The following LARP1B variants were observed in gnomAD, a reference collection of about 807,000 sequenced individuals.
The protein encoded by LARP1B is la-related protein 1B.
In LARP1B, 76 loss-of-function variants were observed where a neutral mutation model predicts 114.2. The observed-to-expected ratio is 0.67, with a 90% CI of 0.55 to 0.81. The LOEUF is 0.81. LARP1B is among the 30% of genes least tolerant of loss of function. LARP1B has a pLI of 0.00. For synonymous variants in LARP1B, 345 were observed against 348.0 expected (o/e 0.99, Z 0.10); for missense variants, 1,014 against 1,075.8 (o/e 0.94, Z 0.80).
intron 11 of LARP1B, among the ~76,000 whole-genome samples, chr4:128,129,875 A>G (rs1791008855): frequency 1.3e-5 from 2 of 152,352 alleles, no homozygotes; most frequent in African/African-American, 4.8e-5. Context: ...TGGACGGACC[A>G]TCGTCCAAAA....
rs1766670796 is a variant in LARP1B at position 128,073,785 on chromosome 4, T to A, written c.-77-675T>A. 2.0e-5 allele frequency among the ~76,000 whole-genome samples: 3 copies of A among 151,440 alleles called. No homozygotes were observed. The South Asian group carries it at 6.3e-4, about 32-fold the overall frequency. The stretch of plus-strand genomic sequence containing the variant: ...TTTCTATTTTTAGTAGAGATGGGGT[T>A]TCACCATGTTGGCCAGGCTGGTCTC... On this transcript the variant is annotated intron_variant, in intron 1 of 19. Coordinates refer to ENST00000326639, the MANE Select transcript of LARP1B (RefSeq NM_018078.4).
chr4:128,099,698 T>C (rs1023579832), intron 8 of LARP1B, among the ~76,000 whole-genome samples: 2 of 151,652 alleles, frequency 1.3e-5, no homozygotes, highest in Non-Finnish European at 2.9e-5. Context: ...ATGAAGATCT[T>C]TATAGGGATA....
chr4:128,123,121 A>G, intron 11 of LARP1B: 1 of 985,446 alleles, frequency 1.0e-6, no homozygotes, highest in Non-Finnish European at 1.2e-6. Flanking sequence ...TCATATCATC[A>G]ACAAGAAGTG....
At chr4:128,096,268 C>T (rs1777971564) in intron 7 of LARP1B, among the ~76,000 whole-genome samples, 1 of 152,170 alleles carries the variant, frequency 6.6e-6, no homozygotes, top group South Asian at 2.1e-4. Context: ...GCTGGGATTA[C>T]AGGCGTGAGC....
chr4:128,145,333 C>G (rs6534667), intron 11 of LARP1B, among the ~76,000 whole-genome samples: 99,760 of 152,028 alleles, frequency 0.66, 33,872 homozygotes, highest in African/African-American at 0.83. Context: ...CTGTATCACA[C>G]ATGAATGCCC....
intron 8 of LARP1B, among the ~76,000 whole-genome samples, chr4:128,103,675 G>A (rs1027291890): frequency 2.0e-5 from 3 of 149,920 alleles, no homozygotes; most frequent in East Asian, 2.0e-4. Flanking sequence ...CGATTCTTCC[G>A]CCTCAGCCTC....
intron 17 of LARP1B, among the ~76,000 whole-genome samples, chr4:128,202,398 T>G (rs1398257885): frequency 1.3e-5 from 2 of 151,778 alleles, no homozygotes; most frequent in Non-Finnish European, 2.9e-5. Context: ...TTCATACATA[T>G]GAATTTAATT....
chr4:128,135,493 A>T (rs1364631222), intron 11 of LARP1B, among the ~76,000 whole-genome samples: 1 of 152,228 alleles, frequency 6.6e-6, no homozygotes, highest in African/African-American at 2.4e-5. Flanking sequence ...AGCATTATTC[A>T]CAATAACCCA....
At chr4:128,134,807 T>C (rs746485169) in intron 11 of LARP1B, among the ~76,000 whole-genome samples, 46 of 151,544 alleles carry the variant, frequency 3.0e-4, no homozygotes, top group Middle Eastern at 6.8e-3. Flanking sequence ...AAAGGTGATA[T>C]GAAAATGGCT....
At position 128,107,306 on chromosome 4, in the gene LARP1B, A is replaced by G. The variant is rs769477762; in HGVS notation, c.981A>G (p.Ser327=). The change falls in exon 9 of 20, where the codon TCA becomes TCG. Residue 327 remains serine, a synonymous_variant. Transcript: ENST00000326639. ...PEFVPGQAFC[S]HTESAPNSPR... ...TTGTACCAGGCCAAGCCTTTTGCTC[A>G]CATACAGGTAACATCTTTTCTTCTA... is the stretch of plus-strand genomic sequence containing the variant. 16 of 1,614,102 alleles carry G rather than the reference A, an allele frequency of 9.9e-6. No homozygotes were observed. The South Asian group carries it at 1.4e-4, about 14-fold the overall frequency.
At chr4:128,117,150 C>G (rs1580628526) in intron 10 of LARP1B, among the ~76,000 whole-genome samples, 1 of 151,786 alleles carries the variant, frequency 6.6e-6, no homozygotes, top group Non-Finnish European at 1.5e-5. Flanking sequence ...GATCCGCCTG[C>G]CTTAGCCTCC....
At chr4:128,073,179 C>T (rs1766040331) in intron 1 of LARP1B, among the ~76,000 whole-genome samples, 2 of 151,744 alleles carry the variant, frequency 1.3e-5, no homozygotes, top group Admixed American at 6.6e-5. Flanking sequence ...TTTGGGAGGC[C>T]GAGGTGGGCG....
chr4:128,114,408 T>C (rs1343656406), intron 9 of LARP1B, among the ~76,000 whole-genome samples, 162 bp from the exon 10 acceptor site: 1 of 152,224 alleles, frequency 6.6e-6, no homozygotes. Context: ...GAGTAAATCT[T>C]ATGAGCCCTT....
At chr4:128,130,228 A>T (rs1268916814) in intron 11 of LARP1B, among the ~76,000 whole-genome samples, 2 of 152,242 alleles carry the variant, frequency 1.3e-5, no homozygotes, top group Non-Finnish European at 2.9e-5. Context: ...ATTGACTGCT[A>T]GAAAATATTT....
intron 8 of LARP1B, among the ~76,000 whole-genome samples, chr4:128,105,214 C>G (rs958699167): frequency 3.9e-5 from 6 of 152,208 alleles, no homozygotes; most frequent in African/African-American, 1.4e-4. Context: ...TAAAAACTTC[C>G]TTCATGGCTC....
intron 17 of LARP1B, among the ~76,000 whole-genome samples, chr4:128,205,927 G>C (rs771133796): frequency 6.6e-6 from 1 of 152,192 alleles, no homozygotes; most frequent in Non-Finnish European, 1.5e-5. Context: ...ATACCTTCAT[G>C]ATGTGCTACG....
chr4:128,118,346 C>T (rs1580648014), intron 10 of LARP1B, among the ~76,000 whole-genome samples: 1 of 149,856 alleles, frequency 6.7e-6, no homozygotes, highest in East Asian at 2.0e-4. Flanking sequence ...ATTCTCCTGC[C>T]TCAGCCTCCC....
intron 11 of LARP1B, among the ~76,000 whole-genome samples, chr4:128,154,829 A>G (rs960041434): frequency 2.6e-5 from 4 of 152,154 alleles, no homozygotes; most frequent in African/African-American, 9.7e-5. Flanking sequence ...GTTGGAGTGC[A>G]ATGGTGTGAT....
intron 12 of LARP1B, among the ~76,000 whole-genome samples, chr4:128,171,671 A>C (rs62334634): frequency 0.029 from 4,483 of 152,130 alleles, 98 homozygotes; most frequent in Non-Finnish European, 0.046. Flanking sequence ...CAGGTTAGCA[A>C]TTCTTTTAGA....
Sources: allele counts gnomAD v4.1 joint callset (sites outside exome capture counted in the v4.1 genomes callset), GRCh38; gene constraint gnomAD v4.1.1; transcripts MANE v1.5; gene names NCBI Gene and HGNC (gene_info 2026-07-23, HGNC 2026-07-21).